PRDM1: variants seen among roughly 807,000 people sequenced by gnomAD.
The protein encoded by PRDM1 is PR domain zinc finger protein 1.
In PRDM1, 13 loss-of-function variants were observed where a neutral mutation model predicts 62.8. That is an observed-to-expected ratio of 0.21 (90% confidence interval 0.13 to 0.33). The LOEUF (loss-of-function observed/expected upper bound fraction) is 0.33. Among genes scored for constraint, PRDM1 ranks in the 10% least tolerant of loss-of-function variants. The pLI is 1.00. For missense variants in PRDM1, 895 were observed against 1,058.8 expected, an observed-to-expected ratio of 0.85 and a Z score of 2.15; for synonymous variants, 396 against 417.6, an observed-to-expected ratio of 0.95 and a Z score of 0.63.
At position 106,094,273 on chromosome 6, in the gene PRDM1, G is replaced by C. The variant is rs564542821; in HGVS notation, c.292-1342G>C. ...CTCCTCCTTGGTCCATTTTAGTAAA[G>C]AATTCAGTAAAGTGATAGGTAGGCT... On this transcript the variant is annotated intron_variant, in intron 2 of 6. Coordinates refer to ENST00000369096, the MANE Select transcript of PRDM1 (RefSeq NM_001198.4). Among the ~76,000 whole-genome samples the C allele has an allele frequency of 1.1e-4, 17 of 152,262 alleles. No individual in the cohort carries two copies. The East Asian group carries it at 2.7e-3, about 24-fold the overall frequency.
chr6:106,096,796 C>T (rs1367606218), intron 3 of PRDM1, among the ~76,000 whole-genome samples: 1 of 152,176 alleles, frequency 6.6e-6, no homozygotes, highest in East Asian at 1.9e-4. Flanking sequence ...TGCTTTCCTT[C>T]TTCCCATAGA....
chr6:105,995,298 C>T (rs1772335358), intron 1 of PRDM1, among the ~76,000 whole-genome samples: 1 of 152,238 alleles, frequency 6.6e-6, no homozygotes, highest in Non-Finnish European at 1.5e-5. Context: ...TCTGGGCACT[C>T]TGGGGGACGT....
Position 106,094,906 on chromosome 6 carries a change from A to AACACACAC in PRDM1, c.292-690_292-683dup, listed in dbSNP as rs3833460. Among the ~76,000 whole-genome samples, 7 of 88,844 alleles carry AACACACAC rather than the reference A, an allele frequency of 7.9e-5. No individual in the cohort carries two copies. The East Asian group carries it at 2.4e-3, about 31-fold the overall frequency. The allele number at this position is 88,844 out of a possible 152,430, so 58.3% of individuals were successfully genotyped here. ...TGATAGTGGGAGACCTTGTCTTTAA[A>AACACACAC]ACACACACACACACACACACACACA... On this transcript the variant is annotated intron_variant, in intron 2 of 6. Coordinates refer to ENST00000369096, the MANE Select transcript of PRDM1 (RefSeq NM_001198.4).
At chr6:106,104,678 A>T in intron 4 of PRDM1, 147 bp from the exon 5 acceptor site, 1 of 1,049,638 alleles carries the variant, frequency 9.5e-7, no homozygotes, top group South Asian at 1.6e-5. Flanking sequence ...AGAGCCTTCT[A>T]GAATGAGAGT....
At chr6:106,055,154 A>C (rs1253442178) in intron 1 of PRDM1, among the ~76,000 whole-genome samples, 1 of 152,230 alleles carries the variant, frequency 6.6e-6, no homozygotes, top group African/African-American at 2.4e-5. Context: ...TGACTAGTTA[A>C]AAATCACTGC....
At chr6:106,077,317 C>A (rs1051496521) in intron 1 of PRDM1, among the ~76,000 whole-genome samples, 1 of 152,118 alleles carries the variant, frequency 6.6e-6, no homozygotes, top group African/African-American at 2.4e-5. Context: ...TTTCAGATAC[C>A]GATGATTATG....
intron 1 of PRDM1, among the ~76,000 whole-genome samples, chr6:106,026,399 A>G (rs1435525034): frequency 1.3e-5 from 2 of 152,138 alleles, no homozygotes; most frequent in African/African-American, 4.8e-5. Context: ...GAATCGCTTG[A>G]ACCCGGGAGG....
chr6:106,003,807 T>C (rs1036357009), intron 1 of PRDM1, among the ~76,000 whole-genome samples: 9 of 152,162 alleles, frequency 5.9e-5, no homozygotes, highest in African/African-American at 2.2e-4. Context: ...GGTCCAGATC[T>C]TACTTATTTT....
At chr6:106,014,744 G>C (rs573013115) in intron 1 of PRDM1, among the ~76,000 whole-genome samples, 2 of 151,938 alleles carry the variant, frequency 1.3e-5, no homozygotes, top group South Asian at 4.1e-4. Flanking sequence ...TATCCTGAGA[G>C]ATAGAACACA....
At chr6:106,098,543 A>T (rs1774175966) in intron 3 of PRDM1, 1 of 1,273,584 alleles carries the variant, frequency 7.9e-7, no homozygotes, top group African/African-American at 1.5e-5. Flanking sequence ...GCCTCCTCCC[A>T]GATAAGGGGT....
At chr6:106,096,389 G>A (rs997714866) in intron 3 of PRDM1, among the ~76,000 whole-genome samples, 3 of 152,028 alleles carry the variant, frequency 2.0e-5, no homozygotes, top group Admixed American at 2.0e-4. Flanking sequence ...CTCGTGATCC[G>A]CCCACCTTGG....
chr6:105,998,395 A>C (rs577019505), intron 1 of PRDM1, among the ~76,000 whole-genome samples: 1 of 152,320 alleles, frequency 6.6e-6, no homozygotes, highest in Admixed American at 6.5e-5. Flanking sequence ...CCTAAAAAAA[A>C]GGGAATACTT....
chr6:106,012,097 C>T (rs1436119915), intron 1 of PRDM1, among the ~76,000 whole-genome samples: 1 of 146,860 alleles, frequency 6.8e-6, no homozygotes, highest in Non-Finnish European at 1.5e-5. Flanking sequence ...ACCACACACA[C>T]CACACCCCTC....
At chr6:106,098,459 A>T in intron 3 of PRDM1, 1 of 1,178,854 alleles carries the variant, frequency 8.5e-7, no homozygotes, top group South Asian at 1.6e-5. Context: ...GTTGCCTTTA[A>T]GGAACAACAT....
chr6:106,095,371 C>G (rs1224822922), intron 2 of PRDM1, among the ~76,000 whole-genome samples: 2 of 152,190 alleles, frequency 1.3e-5, no homozygotes, highest in Admixed American at 1.3e-4. Flanking sequence ...TATTACCAGA[C>G]AATAATCCCC....
Position 106,086,611 on chromosome 6 carries a change from T to C in PRDM1, c.42+16T>C. 1 of 1,531,184 alleles carries C rather than the reference T, an allele frequency of 6.5e-7. No homozygotes were observed. The highest frequency in any genetic ancestry group is 1.4e-5 in the African/African-American group (1 of 72,060). The allele number at this position is 1,531,184 out of a possible 1,614,324, so 94.8% of individuals were successfully genotyped here. On this transcript the variant is annotated intron_variant, in intron 1 of 6. Coordinates refer to ENST00000369096, the MANE Select transcript of PRDM1 (RefSeq NM_001198.4). ...TACGACCTTGGTAAGGAACTTGAAT[T>C]TTTTTTTTTTAATTCTGAAATTGAT...
At chr6:105,998,923 ATATATATATATTTTT>A (rs2114540155) in intron 1 of PRDM1, among the ~76,000 whole-genome samples, 1 of 2,166 alleles carries the variant, frequency 4.6e-4, no homozygotes, top group African/African-American at 1.9e-3. Flanking sequence ...ATATATATAT[ATATATATATATTTTT>A]TTTTTTTTTT....
At chr6:106,044,194 C>CTTTTT (rs559769433), upstream of PRDM1, among the ~76,000 whole-genome samples, 50 of 128,044 alleles carry the variant, frequency 3.9e-4, no homozygotes, top group East Asian at 7.0e-4. Context: ...TTTTTTCTTT[C>CTTTTT]TTTTTTTTTT....
chr6:106,087,351 T>C (rs1330138108), intron 1 of PRDM1, among the ~76,000 whole-genome samples: 3 of 152,248 alleles, frequency 2.0e-5, no homozygotes, highest in Non-Finnish European at 4.4e-5. Flanking sequence ...ACTTTCAGAT[T>C]TAAATGGAAA....
Sources: gnomAD v4.1 joint callset for allele counts (sites outside exome capture counted in the v4.1 genomes callset) on GRCh38, gnomAD v4.1.1 for gene constraint, MANE v1.5 for transcripts, NCBI Gene and HGNC (gene_info 2026-07-23, HGNC 2026-07-21) for gene names.